NEK11: variants seen among roughly 807,000 people sequenced by gnomAD.
NEK11 encodes serine/threonine-protein kinase Nek11.
A neutral mutation model predicts 80.7 loss-of-function variants in NEK11; 72 were observed. The observed-to-expected ratio is 0.89, with a 90% CI of 0.74 to 1.08. The LOEUF is 1.08. NEK11 is among the 50% of genes least tolerant of loss of function. NEK11 has a pLI of 0.00. For synonymous variants in NEK11, 251 were observed against 260.7 expected (o/e 0.96, Z 0.36); for missense variants, 764 against 763.6 (o/e 1.00, Z -0.01).
chr3:131,108,077 T>C (rs2079479316), intron 4 of NEK11, among the ~76,000 whole-genome samples: 2 of 152,132 alleles, frequency 1.3e-5, no homozygotes, highest in African/African-American at 4.8e-5. Context: ...ACACTCTCCT[T>C]GGCCCAGAAA....
intron 17 of NEK11, among the ~76,000 whole-genome samples, chr3:131,294,926 T>A (rs1490262154): frequency 6.6e-6 from 1 of 152,144 alleles, no homozygotes; most frequent in Non-Finnish European, 1.5e-5. Context: ...TTTCACATGG[T>A]ATCTTGTTCT....
chr3:131,122,145 A>G (rs1332872470), intron 5 of NEK11, among the ~76,000 whole-genome samples: 1 of 152,202 alleles, frequency 6.6e-6, no homozygotes, highest in African/African-American at 2.4e-5. Flanking sequence ...CCTGAAAGGT[A>G]GTGTTAAGAA....
chr3:131,345,651 C>A (rs562745529), intron 17 of NEK11, among the ~76,000 whole-genome samples: 2 of 152,252 alleles, frequency 1.3e-5, no homozygotes, highest in Non-Finnish European at 2.9e-5. Flanking sequence ...AAAAGTATAA[C>A]TACCAATGAC....
intron 13 of NEK11, among the ~76,000 whole-genome samples, chr3:131,170,430 G>A (rs1396404379): frequency 6.6e-6 from 1 of 152,172 alleles, no homozygotes; most frequent in Non-Finnish European, 1.5e-5. Context: ...GTAGGGTGTG[G>A]TAAGTGGAAC....
At chr3:131,323,979 G>C (rs2096927892) in intron 17 of NEK11, among the ~76,000 whole-genome samples, 1 of 152,176 alleles carries the variant, frequency 6.6e-6, no homozygotes, top group South Asian at 2.1e-4. Flanking sequence ...CAGGCAGTTT[G>C]GGATGAAGGA....
chr3:131,343,740 C>T (rs1230128827), intron 17 of NEK11, among the ~76,000 whole-genome samples: 2 of 152,214 alleles, frequency 1.3e-5, no homozygotes, highest in Admixed American at 1.3e-4. Flanking sequence ...CTGGCCTAAG[C>T]TGGACCTCTT....
chr3:131,163,339 C>T (rs986811775), intron 11 of NEK11, among the ~76,000 whole-genome samples: 3 of 152,048 alleles, frequency 2.0e-5, no homozygotes, highest in South Asian at 2.1e-4. Context: ...ACTCAACCTA[C>T]GTATCCATCA....
chr3:131,027,247 C>T (rs1185608313), intron 1 of NEK11: 3 of 152,112 alleles, frequency 2.0e-5, no homozygotes, highest in Non-Finnish European at 2.9e-5. Context: ...GTTCGTTTTA[C>T]CTTAAGGTTA....
chr3:131,101,357 G>A (rs150821738), intron 4 of NEK11, among the ~76,000 whole-genome samples: 1 of 152,210 alleles, frequency 6.6e-6, no homozygotes, highest in African/African-American at 2.4e-5. Context: ...ACTTCTTGAT[G>A]AAGGTATTTA....
At chr3:131,090,013 G>T (rs907947044) in intron 4 of NEK11, among the ~76,000 whole-genome samples, 8 of 152,112 alleles carry the variant, frequency 5.3e-5, no homozygotes, top group African/African-American at 1.2e-4. Context: ...CATTGCAGGG[G>T]TTTTTTTGTT....
At chr3:131,318,739 G>GTGTATA (rs1554011446) in intron 17 of NEK11, among the ~76,000 whole-genome samples, 4 of 145,538 alleles carry the variant, frequency 2.7e-5, no homozygotes, top group Non-Finnish European at 4.5e-5. Context: ...GTGTACATGT[G>GTGTATA]TATATATATA....
intron 17 of NEK11, among the ~76,000 whole-genome samples, chr3:131,276,950 A>G (rs1333998401): frequency 6.6e-6 from 1 of 152,184 alleles, no homozygotes; most frequent in African/African-American, 2.4e-5. Context: ...ATGGTTCCTT[A>G]GTCATTCTTC....
chr3:131,259,459 CCCTCAACCTTATCCA>C (rs2095873640), intron 16 of NEK11, among the ~76,000 whole-genome samples: 1 of 152,166 alleles, frequency 6.6e-6, no homozygotes, highest in Non-Finnish European at 1.5e-5. Context: ...AATCTCCATG[CCCTCAACCTTATCCA>C]CTTCAACCTT....
At chr3:131,122,912 C>T (rs1002963909) in intron 5 of NEK11, among the ~76,000 whole-genome samples, 1 of 152,134 alleles carries the variant, frequency 6.6e-6, no homozygotes, top group African/African-American at 2.4e-5. Context: ...AACCAGATCA[C>T]TTGGGTGTCA....
In NEK11 at chr3:131,029,770, C is replaced by T. The variant is rs1264069746; in HGVS notation, c.62C>T (p.Pro21Leu). 2 of 1,614,038 alleles carry T rather than the reference C, an allele frequency of 1.2e-6. No individual in the cohort carries two copies. The highest frequency in any genetic ancestry group is 1.7e-6 in the Non-Finnish European group (2 of 1,180,008). Residue 21 changes from proline (P) to leucine (L), a missense_variant, in exon 3 of 18, where the codon CCA (proline) becomes CTA (leucine). Physicochemically the swap from Pro to Leu is moderately conservative, Grantham distance 98. Transcript: ENST00000383366. ...GGATCAACAGCCATTTCCACTTATC[C>T]AAAGACCTTGATTGCAAGAAGATAC... ...VSGSTAISTY[P>L]KTLIARRYVL...
At chr3:131,157,039 A>G (rs1382529782) in intron 10 of NEK11, among the ~76,000 whole-genome samples, 4 of 152,160 alleles carry the variant, frequency 2.6e-5, no homozygotes, top group South Asian at 2.1e-4. Flanking sequence ...CAAAATTTCA[A>G]TGGGACACCA....
Position 131,109,812 on chromosome 3 carries a change from C to A in NEK11, c.346C>A (p.Leu116Met). ...IITEYCEGRD[L>M]DDKIQEYKQA... The stretch of plus-strand genomic sequence containing the variant: ...ATGCTCTTCATTTCAGGGCCGAGAT[C>A]TGGACGATAAAATTCAGGAATATAA... Residue 116 changes from leucine to methionine, a missense_variant, in exon 5 of 18, where the codon CTG (leucine) becomes ATG (methionine). Coordinates refer to ENST00000383366, the MANE Select transcript of NEK11 (RefSeq NM_024800.5). The A allele has an allele frequency of 6.3e-7, 1 of 1,596,304 alleles. No homozygotes were observed. The highest frequency in any genetic ancestry group is 1.2e-5 in the South Asian group (1 of 86,660).
intron 17 of NEK11, among the ~76,000 whole-genome samples, chr3:131,338,291 T>A (rs1019923080): frequency 6.7e-6 from 1 of 148,246 alleles, no homozygotes; most frequent in Non-Finnish European, 1.5e-5. Context: ...TTTTTTTTTT[T>A]AATACTAAGT....
chr3:131,211,767 T>C (rs1020703417), intron 14 of NEK11, among the ~76,000 whole-genome samples: 1 of 152,234 alleles, frequency 6.6e-6, no homozygotes, highest in Admixed American at 6.5e-5. Context: ...AATCGGCTAC[T>C]GAAGCTTGTG....
Sources: allele counts gnomAD v4.1 joint callset (sites outside exome capture counted in the v4.1 genomes callset), GRCh38; gene constraint gnomAD v4.1.1; transcripts MANE v1.5; gene names NCBI Gene and HGNC (gene_info 2026-07-23, HGNC 2026-07-21).